NUDCD1: variants seen among roughly 807,000 people sequenced by gnomAD.
NUDCD1 encodes the protein nudC domain-containing protein 1.
Under a neutral mutation model 67.8 loss-of-function variants are expected in NUDCD1, and 60 were observed. The observed-to-expected ratio is 0.88, with a 90% CI of 0.72 to 1.10. The LOEUF (loss-of-function observed/expected upper bound fraction) is 1.10. Among genes scored for constraint, NUDCD1 ranks in the 50% least tolerant of loss-of-function variants. The pLI is 0.00. For missense variants in NUDCD1, 643 were observed against 695.0 expected (o/e 0.93, Z 0.84); for synonymous variants, 244 against 230.8 (o/e 1.06, Z -0.52).
At chr8:109,304,114 C>T (rs1259902282) in intron 2 of NUDCD1, among the ~76,000 whole-genome samples, 1 of 152,162 alleles carries the variant, frequency 6.6e-6, no homozygotes, top group African/African-American at 2.4e-5. Context: ...CTAAAAGCTG[C>T]TCCCACACTA....
chr8:109,322,494 C>A, intron 1 of NUDCD1, 31 bp from the exon 2 acceptor site: 2 of 1,558,336 alleles, frequency 1.3e-6, no homozygotes, highest in Non-Finnish European at 8.8e-7. Context: ...ACATAAACAT[C>A]AAGAGTTTTG....
At chr8:109,251,086 C>T (rs1181289158) in intron 8 of NUDCD1, among the ~76,000 whole-genome samples, 2 of 151,894 alleles carry the variant, frequency 1.3e-5, no homozygotes, top group African/African-American at 2.4e-5. Flanking sequence ...CCATCTGCGG[C>T]TGGAGATTTC....
At chr8:109,247,391 C>T (rs116171443) in intron 8 of NUDCD1, among the ~76,000 whole-genome samples, 1,870 of 152,216 alleles carry the variant, frequency 0.012, 35 homozygotes, top group African/African-American at 0.042. Flanking sequence ...CTGGTCCATC[C>T]ATACTTGAAG....
chr8:109,282,354 A>AT (rs1004910649), intron 5 of NUDCD1, among the ~76,000 whole-genome samples: 6 of 152,172 alleles, frequency 3.9e-5, no homozygotes, highest in Admixed American at 3.9e-4. Context: ...GTTAAACTGC[A>AT]TAGCCCAATA....
intron 8 of NUDCD1, among the ~76,000 whole-genome samples, chr8:109,258,244 T>A (rs564341733): frequency 3.7e-4 from 56 of 152,266 alleles, no homozygotes; most frequent in African/African-American, 1.3e-3. Flanking sequence ...CTTACAGATA[T>A]CTAACAGACC....
chr8:109,333,684 G>A (rs892623873), intron 1 of NUDCD1, among the ~76,000 whole-genome samples: 3 of 152,208 alleles, frequency 2.0e-5, no homozygotes, highest in Non-Finnish European at 2.9e-5. Context: ...GGGGCCCAGG[G>A]TCCCGTTACC....
chr8:109,261,796 A>C (rs1228962428), intron 8 of NUDCD1, among the ~76,000 whole-genome samples: 1 of 152,192 alleles, frequency 6.6e-6, no homozygotes, highest in Non-Finnish European at 1.5e-5. Context: ...ATACCATCAT[A>C]ATTTGCCCGG....
intron 2 of NUDCD1, chr8:109,313,717 C>T (rs997473137): frequency 4.4e-6 from 2 of 457,786 alleles, no homozygotes; most frequent in African/African-American, 2.0e-5. Flanking sequence ...CTGGGAAGAA[C>T]GTAGAGATAA....
chr8:109,312,543 C>T (rs1267432125), intron 2 of NUDCD1, among the ~76,000 whole-genome samples: 1 of 152,068 alleles, frequency 6.6e-6, no homozygotes, highest in Non-Finnish European at 1.5e-5. Flanking sequence ...ATTCCACTTA[C>T]AGGAATTTAT....
In NUDCD1 at chr8:109,243,115, C is replaced by T. The variant is rs762221245; in HGVS notation, c.1646G>A (p.Ser549Asn). ...TAAAATAGGATCATTGGTTTCTAGGCTTGCTACTTGCTGCTTAGCAACCTG... is the reference window on the plus strand; with the variant it reads ...TAAAATAGGATCATTGGTTTCTAGGTTTGCTACTTGCTGCTTAGCAACCTG... ...VGQVAKQQVASLETNDPILGF... is the reference protein window; with the variant it reads ...VGQVAKQQVANLETNDPILGF... Residue 549 changes from serine to asparagine, a missense_variant, in exon 10 of 10, where the codon AGC (serine) becomes AAC (asparagine). Transcript: ENST00000239690. 2.9e-5 allele frequency: 46 copies of T among 1,613,822 alleles called. No homozygotes were observed. The East Asian group carries it at 1.0e-3, about 36-fold the overall frequency.
intron 1 of NUDCD1, among the ~76,000 whole-genome samples, chr8:109,323,677 A>G (rs891229573): frequency 6.6e-6 from 1 of 152,190 alleles, no homozygotes; most frequent in Non-Finnish European, 1.5e-5. Flanking sequence ...GTATTTTAAC[A>G]AGAAGGTGAA....
chr8:109,276,248 C>T (rs146201227), intron 6 of NUDCD1, among the ~76,000 whole-genome samples: 5 of 152,176 alleles, frequency 3.3e-5, no homozygotes, highest in South Asian at 2.1e-4. Context: ...AGGCAGACTA[C>T]GGACATAGGA....
intron 2 of NUDCD1, among the ~76,000 whole-genome samples, chr8:109,308,396 A>G (rs1247020447): frequency 6.6e-6 from 1 of 152,204 alleles, no homozygotes; most frequent in African/African-American, 2.4e-5. Flanking sequence ...CAAACAGACA[A>G]TCTAAGGTCA....
intron 1 of NUDCD1, among the ~76,000 whole-genome samples, chr8:109,323,624 G>A (rs1043647836): frequency 6.6e-6 from 1 of 152,038 alleles, no homozygotes; most frequent in African/African-American, 2.4e-5. Flanking sequence ...TCCAAGGTTT[G>A]AGCCACGACA....
rs753552492 is a variant in NUDCD1 at position 109,245,405 on chromosome 8, T to A, written c.1376A>T (p.His459Leu). 6.2e-7 allele frequency: 1 copy of A among 1,613,842 alleles called. No individual in the cohort carries two copies. The highest frequency in any genetic ancestry group is 8.5e-7 in the Non-Finnish European group (1 of 1,179,858). Residue 459 changes from histidine to leucine, a missense_variant, in exon 9 of 10, where the codon CAT becomes CTT. By Grantham distance (99) the His-to-Leu change is moderately conservative. Coordinates refer to ENST00000239690, the MANE Select transcript of NUDCD1 (RefSeq NM_032869.4). ...PKEMPCFCLR[H>L]DVDALLWQPH... ...TTGCCAGAGTAGGGCATCAACATCA[T>A]GGCGCAAACAGAAGCAGGGCATTTC...
chr8:109,307,790 G>A (rs919300814), intron 2 of NUDCD1, among the ~76,000 whole-genome samples: 1 of 152,128 alleles, frequency 6.6e-6, no homozygotes, highest in Admixed American at 6.5e-5. Flanking sequence ...GACATTTCAT[G>A]CAAATGGCAC....
At chr8:109,257,676 C>T (rs1057326160) in intron 8 of NUDCD1, among the ~76,000 whole-genome samples, 3 of 151,914 alleles carry the variant, frequency 2.0e-5, no homozygotes, top group Non-Finnish European at 2.9e-5. Context: ...CCCTGTAACG[C>T]GACAGTAATC....
At chr8:109,253,229 C>T (rs966065046) in intron 8 of NUDCD1, among the ~76,000 whole-genome samples, 1 of 152,078 alleles carries the variant, frequency 6.6e-6, no homozygotes, top group African/African-American at 2.4e-5. Context: ...AAAAAATAAA[C>T]AATTCAAGCT....
At chr8:109,274,945 A>G (rs538809570) in intron 7 of NUDCD1, among the ~76,000 whole-genome samples, 1 of 152,294 alleles carries the variant, frequency 6.6e-6, no homozygotes, top group South Asian at 2.1e-4. Context: ...TATACTATAT[A>G]TGATACATAT....
Sources: gnomAD v4.1 joint callset for allele counts (sites outside exome capture counted in the v4.1 genomes callset) on GRCh38, gnomAD v4.1.1 for gene constraint, MANE v1.5 for transcripts, NCBI Gene and HGNC (gene_info 2026-07-23, HGNC 2026-07-21) for gene names.